The following MAP3K2 variants were observed in gnomAD, a reference collection of about 807,000 sequenced individuals.
MAP3K2 encodes the protein mitogen-activated protein kinase kinase kinase 2.
In MAP3K2, 24 loss-of-function variants were observed where a neutral mutation model predicts 80.3. The observed-to-expected ratio is 0.30, with a 90% CI of 0.22 to 0.42. The LOEUF (loss-of-function observed/expected upper bound fraction) is 0.42. Among genes scored for constraint, MAP3K2 ranks in the 10% least tolerant of loss-of-function variants. MAP3K2 has a pLI of 1.00. For synonymous variants in MAP3K2, 244 were observed against 253.7 expected (o/e 0.96, Z 0.36); for missense variants, 608 against 750.1 (o/e 0.81, Z 2.21).
At chr2:127,331,727 T>TC (rs1686259446) in intron 5 of MAP3K2, among the ~76,000 whole-genome samples, 1 of 152,222 alleles carries the variant, frequency 6.6e-6, no homozygotes, top group Admixed American at 6.5e-5. Context: ...TGCCTCAGCC[T>TC]CCCCAGTAGC....
At chr2:127,312,266 G>A (rs1045980271) in intron 15 of MAP3K2, among the ~76,000 whole-genome samples, 2 of 152,062 alleles carry the variant, frequency 1.3e-5, no homozygotes, top group African/African-American at 2.4e-5. Context: ...TAAAACAAAC[G>A]GAACAAAAAC....
intron 1 of MAP3K2, among the ~76,000 whole-genome samples, chr2:127,346,594 C>A (rs1391231187): frequency 3.3e-5 from 5 of 151,932 alleles, no homozygotes; most frequent in African/African-American, 4.8e-5. Context: ...CATTAAAAAA[C>A]AAATTATATA....
intron 1 of MAP3K2, among the ~76,000 whole-genome samples, chr2:127,368,455 T>C (rs1209133061): frequency 1.3e-5 from 2 of 151,904 alleles, no homozygotes; most frequent in East Asian, 1.9e-4. Context: ...ACCCCATCTC[T>C]ACTAAAAATA....
chr2:127,316,147 C>T (rs931123784), intron 14 of MAP3K2, among the ~76,000 whole-genome samples: 1 of 149,470 alleles, frequency 6.7e-6, no homozygotes, highest in Admixed American at 6.7e-5. Flanking sequence ...TCGAGGCAGG[C>T]GGGATCACCT....
At chr2:127,381,673 G>T (rs1268793049) in intron 1 of MAP3K2, among the ~76,000 whole-genome samples, 10 of 152,176 alleles carry the variant, frequency 6.6e-5, no homozygotes, top group Non-Finnish European at 1.2e-4. Context: ...CAGATTACTT[G>T]CTGACTGCAG....
rs146704239 is a variant in MAP3K2, at chr2:127,366,676, T to C, written c.-66+20776A>G. On this transcript the variant is annotated intron_variant, in intron 1 of 16. Coordinates refer to ENST00000682094, the MANE Select transcript of MAP3K2 (RefSeq NM_001371910.2). ...AAGACTGTATGTACAATTTTTCCAA[T>C]ACTTTTTTTCCTTCTCCAAAAAGAT... is the stretch of plus-strand genomic sequence containing the variant. 4.3e-3 allele frequency among the ~76,000 whole-genome samples: 656 copies of C among 152,210 alleles called. 4 individuals are homozygous for C. The highest frequency in any genetic ancestry group is 0.011 in the South Asian group (53 of 4,822).
chr2:127,360,185 A>C (rs1159494411), intron 1 of MAP3K2, among the ~76,000 whole-genome samples: 1 of 152,236 alleles, frequency 6.6e-6, no homozygotes, highest in African/African-American at 2.4e-5. Flanking sequence ...AATATTCAGC[A>C]ATAAACAGAA....
chr2:127,365,436 C>T (rs1306397853), intron 1 of MAP3K2, among the ~76,000 whole-genome samples: 1 of 152,220 alleles, frequency 6.6e-6, no homozygotes, highest in East Asian at 1.9e-4. Flanking sequence ...ATCCAAACTA[C>T]ATTTCCCAGA....
chr2:127,317,802 T>C, intron 13 of MAP3K2, 42 bp from the exon 14 acceptor site: 2 of 1,556,830 alleles, frequency 1.3e-6, no homozygotes, highest in South Asian at 1.2e-5. Context: ...ACAATGTCAG[T>C]AAAAGCAAAA....
chr2:127,336,781 T>TA (rs1372737952), intron 4 of MAP3K2, among the ~76,000 whole-genome samples: 1 of 152,232 alleles, frequency 6.6e-6, no homozygotes, highest in East Asian at 1.9e-4. Flanking sequence ...TGAGCCACTT[T>TA]AAAATCCTTA....
chr2:127,334,074 T>C (rs928140680), intron 5 of MAP3K2, among the ~76,000 whole-genome samples: 1 of 152,092 alleles, frequency 6.6e-6, no homozygotes, highest in African/African-American at 2.4e-5. Flanking sequence ...CATTCCAACC[T>C]GGGTGACAGA....
In MAP3K2 at chr2:127,387,418, ACACAAGCGCGCGCG is replaced by A. The variant is rs1462494270; in HGVS notation, c.-66+20_-66+33del. The A allele has an allele frequency of 3.1e-6, 3 of 961,406 alleles. No homozygotes were observed. In the African/African-American group the frequency reaches 5.3e-5, roughly 17 times the overall value. The allele number at this position is 961,406 out of a possible 1,614,324, so 59.6% of individuals were successfully genotyped here. On this transcript the variant is annotated intron_variant, in intron 1 of 16. Transcript: ENST00000682094. ...CGCGCGCACACACACACACACACAC[ACACAAGCGCGCGCG>A]CACGCACACACGCACGTACCGGCTG...
At chr2:127,370,261 C>T (rs1005285514) in intron 1 of MAP3K2, among the ~76,000 whole-genome samples, 1 of 152,210 alleles carries the variant, frequency 6.6e-6, no homozygotes, top group Non-Finnish European at 1.5e-5. Flanking sequence ...ATACACCCTC[C>T]TCAGTGTCTG....
At chr2:127,308,490 C>T (rs944721050) in intron 16 of MAP3K2, 95 bp downstream of exon 16, 3 of 1,165,678 alleles carry the variant, frequency 2.6e-6, no homozygotes, top group African/African-American at 1.5e-5. Context: ...TTTGGAAGTA[C>T]AAAAGATTAT....
intron 1 of MAP3K2, among the ~76,000 whole-genome samples, chr2:127,382,707 G>A (rs1481509505): frequency 6.6e-6 from 1 of 152,162 alleles, no homozygotes; most frequent in African/African-American, 2.4e-5. Flanking sequence ...TGTATTTTTA[G>A]TAGAGACAGG....
At chr2:127,349,143 G>T (rs1296616211) in intron 1 of MAP3K2, among the ~76,000 whole-genome samples, 2 of 151,016 alleles carry the variant, frequency 1.3e-5, no homozygotes, top group Non-Finnish European at 3.0e-5. Flanking sequence ...CATAAAACAA[G>T]AAAGTGTTCC....
chr2:127,339,977 T>A lies in MAP3K2; in HGVS notation c.5-927A>T, dbSNP rs1686445101. On this transcript the variant is annotated intron_variant, in intron 2 of 16. Transcript: ENST00000682094. The surrounding 1 kb of genome is among the most constrained non-coding windows in gnomAD (Gnocchi z 4.2). The stretch of plus-strand genomic sequence containing the variant: ...AAATTAAAACATGCCATATCCTGTA[T>A]GGGAAATCACTAAAAATATTCCAAC... Among the ~76,000 whole-genome samples, 1 of 152,196 alleles carries A rather than the reference T, an allele frequency of 6.6e-6. No individual in the cohort carries two copies. The highest frequency in any genetic ancestry group is 2.1e-4 in the South Asian group (1 of 4,830).
Position 127,300,262 on chromosome 2 carries a change from CAG to C in MAP3K2, c.*7315_*7316del, listed in dbSNP as rs1685565754. The C allele has an allele frequency of 6.6e-6, 1 of 152,034 alleles. No homozygotes were observed. Among genetic ancestry groups the C allele is most frequent in the African/African-American group, 2.4e-5 (1 of 41,406 alleles). 9.4% of individuals were successfully genotyped at this position (152,034 alleles called of 1,614,324 possible). Reference sequence around the variant, plus strand: ...ACAATTATTGGTCAGAGTAGTAAATCAGTGTACAAATTAAACATTTCCAAAAA... The same window carrying C: ...ACAATTATTGGTCAGAGTAGTAAATCTGTACAAATTAAACATTTCCAAAAA... On this transcript the variant is annotated 3_prime_UTR_variant, in exon 17 of 17. Transcript: ENST00000682094.
chr2:127,371,164 G>A (rs1220754740), intron 1 of MAP3K2, among the ~76,000 whole-genome samples: 1 of 152,204 alleles, frequency 6.6e-6, no homozygotes, highest in African/African-American at 2.4e-5. Flanking sequence ...ACTTCCGTAT[G>A]ACCCCATGGG....
Sources: gnomAD v4.1 joint callset for allele counts (sites outside exome capture counted in the v4.1 genomes callset) on GRCh38, gnomAD v4.1.1 for gene constraint, Gnocchi (gnomAD v3.1) non-coding constraint, MANE v1.5 for transcripts, NCBI Gene and HGNC (gene_info 2026-07-23, HGNC 2026-07-21) for gene names.